ANO10: variants seen among roughly 807,000 people sequenced by gnomAD.
The protein encoded by ANO10 is anoctamin 10, also known as anoctamin-10.
A neutral mutation model predicts 74.7 loss-of-function variants in ANO10; 77 were observed. That is an observed-to-expected ratio of 1.03 (90% CI 0.86 to 1.25). The LOEUF (loss-of-function observed/expected upper bound fraction) is 1.25. ANO10 is among the 50% of genes most tolerant of loss of function. The pLI is 0.00. For synonymous variants in ANO10, 279 were observed against 284.9 expected, an observed-to-expected ratio of 0.98 and a Z score of 0.21; for missense variants, 721 against 778.1, an observed-to-expected ratio of 0.93 and a Z score of 0.87.
upstream of ANO10, among the ~76,000 whole-genome samples, chr3:43,622,983 A>G (rs760039070): frequency 6.6e-6 from 1 of 152,174 alleles, no homozygotes. Flanking sequence ...CTCCTGCCTC[A>G]GCCTCCTGAG....
intron 1 of ANO10, among the ~76,000 whole-genome samples, chr3:43,682,792 A>G (rs1343248637): frequency 6.6e-6 from 1 of 152,208 alleles, no homozygotes; most frequent in Non-Finnish European, 1.5e-5. Flanking sequence ...AAATCAATAA[A>G]CATAATCCAG....
chr3:43,389,355 T>C (rs2092214689), intron 12 of ANO10, among the ~76,000 whole-genome samples: 1 of 152,242 alleles, frequency 6.6e-6, no homozygotes, highest in South Asian at 2.1e-4. Context: ...GATTTTATCC[T>C]GCTACCCTGA....
upstream of ANO10, among the ~76,000 whole-genome samples, chr3:43,622,302 A>G (rs1490053767): frequency 6.6e-6 from 1 of 152,118 alleles, no homozygotes; most frequent in Non-Finnish European, 1.5e-5. Flanking sequence ...TGTACCACCC[A>G]TCGAAATCCG....
chr3:43,652,172 G>A (rs1408862308), intron 1 of ANO10, among the ~76,000 whole-genome samples: 2 of 151,740 alleles, frequency 1.3e-5, no homozygotes, highest in East Asian at 3.9e-4. Flanking sequence ...GGAAATGCAG[G>A]GGGTCCATAA....
At chr3:43,394,645 A>C (rs1315702059) in intron 12 of ANO10, among the ~76,000 whole-genome samples, 1 of 152,202 alleles carries the variant, frequency 6.6e-6, no homozygotes, top group African/African-American at 2.4e-5. Flanking sequence ...ATCATTTCCC[A>C]TGGTAGTGAA....
chr3:43,418,075 A>C (rs1358036102), intron 12 of ANO10, among the ~76,000 whole-genome samples: 3 of 152,228 alleles, frequency 2.0e-5, no homozygotes, highest in Admixed American at 6.5e-5. Context: ...TCAGGAGTTA[A>C]AGACTGGCCT....
intron 12 of ANO10, among the ~76,000 whole-genome samples, chr3:43,426,444 CCT>C (rs2092901385): frequency 6.6e-6 from 1 of 152,184 alleles, no homozygotes; most frequent in South Asian, 2.1e-4. Context: ...ATTTGAGGCC[CCT>C]GAGAGCTATA....
intron 11 of ANO10, chr3:43,472,399 A>T (rs1361941767): frequency 1.3e-5 from 2 of 152,214 alleles, no homozygotes; most frequent in East Asian, 3.8e-4. Context: ...TAAAATTTTT[A>T]AAATGAAAAA....
chr3:43,476,573 C>A (rs979966215), intron 11 of ANO10, among the ~76,000 whole-genome samples: 1 of 152,154 alleles, frequency 6.6e-6, no homozygotes, highest in African/African-American at 2.4e-5. Context: ...CAACGGACAC[C>A]ACTTCCCTGC....
intron 4 of ANO10, among the ~76,000 whole-genome samples, chr3:43,594,192 G>A (rs931661996): frequency 6.6e-6 from 1 of 152,144 alleles, no homozygotes; most frequent in African/African-American, 2.4e-5. Flanking sequence ...GTCAACATTA[G>A]ACAGATCCAC....
chr3:43,655,385 G>T (rs2083836937), intron 1 of ANO10, among the ~76,000 whole-genome samples: 2 of 152,238 alleles, frequency 1.3e-5, no homozygotes, highest in Admixed American at 6.5e-5. Flanking sequence ...GACCTTGGCG[G>T]TGAGTGTTAC....
chr3:43,522,061 T>A (rs188970786), intron 11 of ANO10, among the ~76,000 whole-genome samples: 94 of 152,280 alleles, frequency 6.2e-4, no homozygotes, highest in African/African-American at 2.0e-3. Flanking sequence ...AATAAATGTA[T>A]TATTTTCTTT....
At chr3:43,483,415 T>TA (rs752487359) in intron 11 of ANO10, among the ~76,000 whole-genome samples, 4 of 152,156 alleles carry the variant, frequency 2.6e-5, no homozygotes, top group East Asian at 1.9e-4. Context: ...CTGCTAGAAA[T>TA]AGACTCAAAA....
chr3:43,649,893 C>T (rs2083768894), intron 1 of ANO10, among the ~76,000 whole-genome samples: 2 of 152,176 alleles, frequency 1.3e-5, no homozygotes, highest in African/African-American at 2.4e-5. Context: ...GTGCAGGAGC[C>T]AGGTACTGGG....
chr3:43,592,487 G>T (rs1351085019), intron 4 of ANO10, among the ~76,000 whole-genome samples: 1 of 152,214 alleles, frequency 6.6e-6, no homozygotes, highest in Non-Finnish European at 1.5e-5. Flanking sequence ...AGGCAAACAG[G>T]GTCTGGAGTG....
chr3:43,552,410 A>C (rs1192697935), intron 10 of ANO10, among the ~76,000 whole-genome samples: 1 of 152,074 alleles, frequency 6.6e-6, no homozygotes, highest in Admixed American at 6.5e-5. Flanking sequence ...ATTTTTTTCT[A>C]CATATATTTA....
intron 11 of ANO10, among the ~76,000 whole-genome samples, chr3:43,515,437 G>C (rs2077671146): frequency 6.6e-6 from 1 of 152,152 alleles, no homozygotes; most frequent in African/African-American, 2.4e-5. Context: ...TCCAGACTAG[G>C]ACTGGAATGA....
chr3:43,566,933 GA>G (rs1281409037), intron 7 of ANO10, among the ~76,000 whole-genome samples: 1 of 152,056 alleles, frequency 6.6e-6, no homozygotes, highest in South Asian at 2.1e-4. Context: ...TGAAAACTTT[GA>G]AAAAAATTCA....
chr3:43,603,660 G>A (rs544656409), intron 2 of ANO10, among the ~76,000 whole-genome samples: 6 of 152,210 alleles, frequency 3.9e-5, no homozygotes, highest in Admixed American at 2.6e-4. Context: ...ACATGTTCAC[G>A]TTTAAGAAAG....
Sources: allele counts gnomAD v4.1 joint callset (sites outside exome capture counted in the v4.1 genomes callset), GRCh38; gene constraint gnomAD v4.1.1; transcripts MANE v1.5; gene names NCBI Gene and HGNC (gene_info 2026-07-23, HGNC 2026-07-21).